Variants in CFAP210 observed in about 807,000 individuals in gnomAD.
CFAP210 encodes the protein cilia- and flagella- associated protein 210.
the CFAP210 span, among the ~76,000 whole-genome samples, chr2:169,684,559 T>C: frequency 4.6e-5 from 7 of 152,364 alleles, no homozygotes; most frequent in East Asian, 1.2e-3. Context: ...TCATACAATA[T>C]GTGGCATTTT....
the CFAP210 span, among the ~76,000 whole-genome samples, chr2:169,683,056 G>C: frequency 6.6e-6 from 1 of 152,104 alleles, no homozygotes. Context: ...GAAAGATACT[G>C]AAAGAAAAGC....
the CFAP210 span, among the ~76,000 whole-genome samples, chr2:169,667,804 G>A: frequency 2.6e-5 from 4 of 152,064 alleles, no homozygotes; most frequent in Non-Finnish European, 4.4e-5. Flanking sequence ...CTGTAAACAC[G>A]TGTGATGTCA....
the CFAP210 span, among the ~76,000 whole-genome samples, chr2:169,692,440 G>GCACA: frequency 1.1e-5 from 1 of 92,120 alleles, no homozygotes. Flanking sequence ...GGCAACAGGC[G>GCACA]CACGCACACA....
the CFAP210 span, among the ~76,000 whole-genome samples, chr2:169,659,490 T>C: frequency 6.6e-6 from 1 of 152,044 alleles, no homozygotes; most frequent in Non-Finnish European, 1.5e-5. Flanking sequence ...AAGGGGGAAG[T>C]GCTACACACT....
the CFAP210 span, chr2:169,654,069 G>A: frequency 1.2e-6 from 2 of 1,606,352 alleles, no homozygotes; most frequent in South Asian, 1.1e-5. Flanking sequence ...CATTATTAAA[G>A]CCTACCTGTG....
the CFAP210 span, among the ~76,000 whole-genome samples, chr2:169,683,703 C>G: frequency 2.6e-5 from 4 of 152,294 alleles, no homozygotes; most frequent in East Asian, 1.9e-4. Flanking sequence ...TGTTAGAAAG[C>G]TATGCAGTGC....
the CFAP210 span, among the ~76,000 whole-genome samples, chr2:169,672,879 A>G: frequency 2.6e-5 from 4 of 152,170 alleles, no homozygotes; most frequent in Non-Finnish European, 5.9e-5. Flanking sequence ...GTTGACATCT[A>G]ATATTAACCA....
chr2:169,694,279 G>A, the CFAP210 span: 1 of 1,613,994 alleles, frequency 6.2e-7, no homozygotes, highest in Admixed American at 1.7e-5. Flanking sequence ...TCCTTCGCCC[G>A]TCCACAGCGC....
chr2:169,694,129 T>C, the CFAP210 span: 13 of 832,720 alleles, frequency 1.6e-5, no homozygotes, highest in African/African-American at 8.4e-5. Flanking sequence ...AAGATGCTTA[T>C]TGAGGATGCT....
chr2:169,654,073 A>C, the CFAP210 span: 5 of 1,608,130 alleles, frequency 3.1e-6, no homozygotes, highest in Non-Finnish European at 4.2e-6. Context: ...ATTAAAGCCT[A>C]CCTGTGTGTT....
chr2:169,679,345 C>A, the CFAP210 span, among the ~76,000 whole-genome samples: 2 of 152,110 alleles, frequency 1.3e-5, no homozygotes, highest in Non-Finnish European at 2.9e-5. Context: ...AGCATAATAT[C>A]CAGTCGACAT....
chr2:169,693,302 A>AAT, the CFAP210 span, among the ~76,000 whole-genome samples: 10 of 152,230 alleles, frequency 6.6e-5, no homozygotes, highest in African/African-American at 2.4e-4. Context: ...CTATTAGGTA[A>AAT]ATCTAAACCA....
At chr2:169,679,667 C>T in the CFAP210 span, among the ~76,000 whole-genome samples, 2 of 113,604 alleles carry the variant, frequency 1.8e-5, no homozygotes, top group African/African-American at 3.5e-5. Context: ...GGTGACAGAA[C>T]GAGACTCCAT....
At chr2:169,655,620 T>G in the CFAP210 span, among the ~76,000 whole-genome samples, 1 of 152,186 alleles carries the variant, frequency 6.6e-6, no homozygotes, top group Non-Finnish European at 1.5e-5. Context: ...ACAGATTTGA[T>G]TAACACAGAG....
At chr2:169,684,477 G>A in the CFAP210 span, among the ~76,000 whole-genome samples, 6 of 152,166 alleles carry the variant, frequency 3.9e-5, no homozygotes, top group African/African-American at 1.4e-4. Flanking sequence ...CCTCCTCATA[G>A]CTCCTGGCAA....
chr2:169,685,010 G>A, the CFAP210 span, among the ~76,000 whole-genome samples: 2 of 152,066 alleles, frequency 1.3e-5, no homozygotes, highest in Admixed American at 6.6e-5. Context: ...AGCACATTTT[G>A]TTTATCCATT....
chr2:169,692,187 A>G, the CFAP210 span, among the ~76,000 whole-genome samples: 1 of 152,034 alleles, frequency 6.6e-6, no homozygotes. Flanking sequence ...ATCACTTCCC[A>G]ACTGATCCTT....
chr2:169,665,292 A>G, the CFAP210 span, among the ~76,000 whole-genome samples: 1 of 130,030 alleles, frequency 7.7e-6, no homozygotes, highest in African/African-American at 2.9e-5. Context: ...TTCATTTTTA[A>G]AAACTGTTTT....
chr2:169,692,545 C>T, the CFAP210 span, among the ~76,000 whole-genome samples: 2 of 152,016 alleles, frequency 1.3e-5, no homozygotes, highest in East Asian at 1.9e-4. Context: ...TTATAATGAA[C>T]CCATTCCCCA....
Sources: allele counts gnomAD v4.1 joint callset (sites outside exome capture counted in the v4.1 genomes callset), GRCh38; gene constraint gnomAD v4.1.1; transcripts MANE v1.5; gene names NCBI Gene and HGNC (gene_info 2026-07-23, HGNC 2026-07-21).